The following CSTPP1 variants were observed in gnomAD, a reference collection of about 807,000 sequenced individuals.
The protein encoded by CSTPP1 is centriolar satellite-associated tubulin polyglutamylase complex regulator 1.
the CSTPP1 span, chr11:47,137,273 T>C: frequency 2.3e-6 from 3 of 1,307,194 alleles, no homozygotes; most frequent in Non-Finnish European, 3.0e-6. Flanking sequence ...TGCCAGAGAA[T>C]TTCAGCAAAT....
the CSTPP1 span, among the ~76,000 whole-genome samples, chr11:46,996,585 T>A: frequency 6.6e-6 from 1 of 152,176 alleles, no homozygotes; most frequent in Admixed American, 6.6e-5. Context: ...ATATTGTTAA[T>A]GTGTGAATTT....
At chr11:47,050,081 A>G in the CSTPP1 span, among the ~76,000 whole-genome samples, 1 of 152,224 alleles carries the variant, frequency 6.6e-6, no homozygotes, top group South Asian at 2.1e-4. Context: ...CATAAACAAA[A>G]TGACCTAGAA....
At chr11:47,156,384 G>C in the CSTPP1 span, among the ~76,000 whole-genome samples, 1 of 152,362 alleles carries the variant, frequency 6.6e-6, no homozygotes, top group Admixed American at 6.5e-5. Context: ...GGTGTGTGTA[G>C]AGACGAGATG....
At chr11:47,123,827 C>A in the CSTPP1 span, among the ~76,000 whole-genome samples, 1 of 152,094 alleles carries the variant, frequency 6.6e-6, no homozygotes, top group Non-Finnish European at 1.5e-5. Context: ...GTGGTGAAAT[C>A]CCACCTCTAC....
chr11:46,936,991 C>T, the CSTPP1 span: 23 of 1,186,034 alleles, frequency 1.9e-5, no homozygotes, highest in South Asian at 3.7e-4. Flanking sequence ...GGTTCCAGGG[C>T]CTGAGCCTGT....
At chr11:47,149,289 T>G in the CSTPP1 span, among the ~76,000 whole-genome samples, 2 of 152,220 alleles carry the variant, frequency 1.3e-5, no homozygotes, top group Non-Finnish European at 2.9e-5. Flanking sequence ...AGCAGCTCCC[T>G]GTTGGCTCCA....
chr11:47,103,557 A>C, the CSTPP1 span: 1 of 151,868 alleles, frequency 6.6e-6, no homozygotes, highest in Non-Finnish European at 1.5e-5. Flanking sequence ...ATGTCTTATT[A>C]GTTCTTTCAA....
chr11:46,984,884 G>A, the CSTPP1 span, among the ~76,000 whole-genome samples: 1 of 152,242 alleles, frequency 6.6e-6, no homozygotes, highest in African/African-American at 2.4e-5. Flanking sequence ...TGAAAATGCA[G>A]CTGATTTTAA....
chr11:47,122,085 AAAAAAAAT>A, the CSTPP1 span, among the ~76,000 whole-genome samples: 24 of 82,312 alleles, frequency 2.9e-4, no homozygotes, highest in African/African-American at 8.0e-4. Context: ...AAAAAAAAAA[AAAAAAAAT>A]ATATATATAT....
At chr11:47,130,865 A>G in the CSTPP1 span, 2 of 152,328 alleles carry the variant, frequency 1.3e-5, no homozygotes, top group African/African-American at 4.8e-5. Flanking sequence ...ACCCCTGCAT[A>G]AAAGAACATA....
chr11:46,990,394 A>T, the CSTPP1 span, among the ~76,000 whole-genome samples: 2 of 152,142 alleles, frequency 1.3e-5, no homozygotes, highest in Non-Finnish European at 2.9e-5. Flanking sequence ...TCTGATGATG[A>T]GTGATAATGA....
chr11:47,116,012 T>A, the CSTPP1 span, among the ~76,000 whole-genome samples: 1 of 152,236 alleles, frequency 6.6e-6, no homozygotes, highest in Non-Finnish European at 1.5e-5. Context: ...TCTGGTACGT[T>A]GTGTCTTTGT....
At chr11:47,032,197 C>T in the CSTPP1 span, among the ~76,000 whole-genome samples, 2 of 151,950 alleles carry the variant, frequency 1.3e-5, no homozygotes, top group African/African-American at 4.8e-5. Context: ...AAATATTAAG[C>T]TAATAAAATA....
At chr11:47,153,446 G>A in the CSTPP1 span, among the ~76,000 whole-genome samples, 1 of 152,172 alleles carries the variant, frequency 6.6e-6, no homozygotes, top group Non-Finnish European at 1.5e-5. Flanking sequence ...AAACTAGGAG[G>A]TAAAATGTTA....
the CSTPP1 span, among the ~76,000 whole-genome samples, chr11:47,101,185 T>TTTTTTTTTTTTTTTTTTTTTTTTC: frequency 2.0e-5 from 2 of 102,358 alleles, 1 homozygote; most frequent in Non-Finnish European, 3.6e-5. Context: ...TTTTTTTTTT[T>TTTTTTTTTTTTTTTTTTTTTTTTC]TTTTATTTTA....
chr11:47,129,335 C>T, the CSTPP1 span, among the ~76,000 whole-genome samples: 1 of 152,166 alleles, frequency 6.6e-6, no homozygotes, highest in Non-Finnish European at 1.5e-5. Context: ...CAAGATCCTG[C>T]TCTACATTCT....
At chr11:47,046,317 A>G in the CSTPP1 span, among the ~76,000 whole-genome samples, 1 of 151,916 alleles carries the variant, frequency 6.6e-6, no homozygotes, top group Non-Finnish European at 1.5e-5. Flanking sequence ...GAGCTTATAA[A>G]TGAATTCAGC....
the CSTPP1 span, among the ~76,000 whole-genome samples, chr11:47,030,295 G>T: frequency 6.6e-6 from 1 of 152,312 alleles, no homozygotes; most frequent in African/African-American, 2.4e-5. Flanking sequence ...AAACAGTGCA[G>T]GTCAAGATTC....
the CSTPP1 span, among the ~76,000 whole-genome samples, chr11:47,142,681 C>A: frequency 3.3e-5 from 5 of 152,256 alleles, no homozygotes; most frequent in East Asian, 9.6e-4. Context: ...CTTAGCCCCC[C>A]GCAGCCACAG....
Sources: allele counts gnomAD v4.1 joint callset (sites outside exome capture counted in the v4.1 genomes callset), GRCh38; gene constraint gnomAD v4.1.1; transcripts MANE v1.5; gene names NCBI Gene and HGNC (gene_info 2026-07-23, HGNC 2026-07-21).